SWAP70: variants seen among roughly 807,000 people sequenced by gnomAD.
SWAP70 encodes switching B cell complex subunit SWAP70, also known as switch-associated protein 70.
In SWAP70, 34 loss-of-function variants were observed where a neutral mutation model predicts 80.2. The observed-to-expected ratio is 0.42, with a 90% CI of 0.32 to 0.56. SWAP70 has a LOEUF of 0.56. SWAP70 is among the 20% of genes least tolerant of loss of function. SWAP70 has a pLI of 0.09. For synonymous variants in SWAP70, 239 were observed against 238.5 expected, an observed-to-expected ratio of 1.00 and a Z score of -0.02; for missense variants, 578 against 690.7, an observed-to-expected ratio of 0.84 and a Z score of 1.83.
At chr11:9,696,679 G>A (rs1436769975) in intron 2 of SWAP70, among the ~76,000 whole-genome samples, 1 of 152,036 alleles carries the variant, frequency 6.6e-6, no homozygotes, top group Non-Finnish European at 1.5e-5. Flanking sequence ...CAATATATTA[G>A]TGTCATCTTT....
At chr11:9,700,480 T>C (rs1462298412) in intron 2 of SWAP70, among the ~76,000 whole-genome samples, 4 of 152,186 alleles carry the variant, frequency 2.6e-5, no homozygotes, top group African/African-American at 9.6e-5. Flanking sequence ...GTAGAGAAAA[T>C]ATGAAATAGT....
At chr11:9,677,396 CAT>C (rs1293885029) in intron 1 of SWAP70, among the ~76,000 whole-genome samples, 1 of 151,994 alleles carries the variant, frequency 6.6e-6, no homozygotes, top group Non-Finnish European at 1.5e-5. Flanking sequence ...TTTAATATCT[CAT>C]ATAGACACAT....
intron 2 of SWAP70, among the ~76,000 whole-genome samples, chr11:9,703,971 T>A (rs555095643): frequency 4.8e-4 from 73 of 152,326 alleles, no homozygotes; most frequent in Non-Finnish European, 9.1e-4. Flanking sequence ...TTCTTGGCTC[T>A]TGCTCTGGTT....
At chr11:9,673,063 TATCCTCCA>T (rs1360741599) in intron 1 of SWAP70, among the ~76,000 whole-genome samples, 1 of 152,110 alleles carries the variant, frequency 6.6e-6, no homozygotes, top group Non-Finnish European at 1.5e-5. Context: ...ACCAGCTGGG[TATCCTCCA>T]GTTCAATTCC....
chr11:9,701,104 C>T (rs773026772), intron 2 of SWAP70, among the ~76,000 whole-genome samples: 9 of 151,048 alleles, frequency 6.0e-5, no homozygotes, highest in Non-Finnish European at 1.3e-4. Context: ...TAATTTTCAG[C>T]TTTCCTGAGA....
Position 9,750,236 on chromosome 11 carries a change from G to A in SWAP70, c.*266G>A, listed in dbSNP as rs777471729. The A allele has an allele frequency of 2.7e-4, 65 of 236,892 alleles. No individual in the cohort carries two copies. The highest frequency in any genetic ancestry group is 2.7e-4 in the Non-Finnish European group (31 of 116,246). 14.7% of individuals were successfully genotyped at this position (236,892 alleles called of 1,614,324 possible). On this transcript the variant is annotated 3_prime_UTR_variant, in exon 12 of 12. Coordinates refer to ENST00000318950, the MANE Select transcript of SWAP70 (RefSeq NM_015055.4). Reference sequence around the variant, plus strand: ...GGCGCCTGTAATCCCAGCTACTTGGGAGGCTGAGGCAGGAGAATCACTTGA... The same window carrying A: ...GGCGCCTGTAATCCCAGCTACTTGGAAGGCTGAGGCAGGAGAATCACTTGA...
intron 3 of SWAP70, among the ~76,000 whole-genome samples, chr11:9,722,088 G>C (rs1333822949): frequency 6.6e-6 from 1 of 152,186 alleles, no homozygotes. Flanking sequence ...TGGTTGAATA[G>C]TATTTCACTC....
chr11:9,749,270 T>G, intron 11 of SWAP70, 87 bp downstream of exon 11: 1 of 662,510 alleles, frequency 1.5e-6, no homozygotes, highest in Non-Finnish European at 2.0e-6. Flanking sequence ...TGAGATGGAG[T>G]CTCGCTCTGT....
chr11:9,695,312 C>T (rs545147002), intron 2 of SWAP70, among the ~76,000 whole-genome samples: 31 of 151,498 alleles, frequency 2.0e-4, no homozygotes, highest in East Asian at 5.8e-4. Context: ...AAAAAAAATA[C>T]GTGCACACGT....
intron 1 of SWAP70, among the ~76,000 whole-genome samples, chr11:9,671,166 TTATAAA>T (rs1363212616): frequency 8.9e-5 from 11 of 123,698 alleles, no homozygotes; most frequent in African/African-American, 3.4e-4. Flanking sequence ...TAAAATATAT[TTATAAA>T]TATAAATATA....
intron 9 of SWAP70, among the ~76,000 whole-genome samples, chr11:9,746,353 CCT>C (rs1177484852): frequency 4.6e-5 from 7 of 152,182 alleles, no homozygotes; most frequent in African/African-American, 1.7e-4. Context: ...GTCCATTCCC[CCT>C]CCATACTTTT....
intron 6 of SWAP70, 60 bp downstream of exon 6, chr11:9,729,511 T>G: frequency 7.6e-7 from 1 of 1,316,596 alleles, no homozygotes; most frequent in Non-Finnish European, 1.1e-6. Context: ...TTTCTTTTTT[T>G]TTTCTGAGAC....
chr11:9,696,773 C>T (rs997709523), intron 2 of SWAP70, among the ~76,000 whole-genome samples: 5 of 152,090 alleles, frequency 3.3e-5, no homozygotes, highest in African/African-American at 9.7e-5. Context: ...CTATTTATAA[C>T]ACCGAGCATG....
intron 1 of SWAP70, among the ~76,000 whole-genome samples, chr11:9,676,933 G>A (rs1476240851): frequency 1.3e-5 from 2 of 152,012 alleles, no homozygotes; most frequent in East Asian, 1.9e-4. Context: ...GATTACAGGC[G>A]TGAGCCACTG....
chr11:9,700,062 T>A (rs1203126259), intron 2 of SWAP70, among the ~76,000 whole-genome samples: 1 of 152,154 alleles, frequency 6.6e-6, no homozygotes, highest in Non-Finnish European at 1.5e-5. Flanking sequence ...TGCTGCACCC[T>A]ACTACTGCAT....
intron 2 of SWAP70, among the ~76,000 whole-genome samples, chr11:9,699,257 A>G (rs1850800762): frequency 6.6e-6 from 1 of 152,146 alleles, no homozygotes. Context: ...CCTTATGAAT[A>G]TATTGAAAAC....
rs1851310854 is a variant in SWAP70 at position 9,732,509 on chromosome 11, T to C, written c.899-20T>C. 7 of 1,588,914 alleles carry C rather than the reference T, an allele frequency of 4.4e-6. No homozygotes were observed. Among genetic ancestry groups the C allele is most frequent in the Non-Finnish European group, 6.0e-6 (7 of 1,166,560 alleles). ...AAATAATATCTCCCCATTTTTTTTT[T>C]CCTCCTACACCTTTTACAGCCATTC... On this transcript the variant is annotated intron_variant, in intron 6 of 11. Coordinates refer to ENST00000318950, the MANE Select transcript of SWAP70 (RefSeq NM_015055.4).
rs1388142250 is a variant in SWAP70, at chr11:9,752,170, A to C, written c.*2200A>C. On this transcript the variant is annotated 3_prime_UTR_variant, in exon 12 of 12. Transcript: ENST00000318950. ...GCATGGTGGGGAGGATCATGATGGA[A>C]TATGTGAATTTCTACTTCTAGAAGT... 6.6e-6 allele frequency: 1 copy of C among 152,226 alleles called. No individual in the cohort carries two copies. The highest frequency in any genetic ancestry group is 1.5e-5 in the Non-Finnish European group (1 of 68,040). The allele number at this position is 152,226 out of a possible 1,614,324, so 9.4% of individuals were successfully genotyped here.
Position 9,747,714 on chromosome 11 carries a change from T to C in SWAP70, c.1356-144T>C, listed in dbSNP as rs1851529799. On this transcript the variant is annotated intron_variant, in intron 9 of 11. Transcript: ENST00000318950. ...TACCAGCTTTGTGAATATGAGCTTC[T>C]CTGGCTCCTGCTTTCCTCCTGGTGG... 3.8e-5 allele frequency: 29 copies of C among 764,846 alleles called. 1 individual carries two copies. In the South Asian group the frequency reaches 4.5e-4, roughly 12 times the overall value. 47.4% of individuals were successfully genotyped at this position (764,846 alleles called of 1,614,324 possible).
Sources: gnomAD v4.1 joint callset for allele counts (sites outside exome capture counted in the v4.1 genomes callset) on GRCh38, gnomAD v4.1.1 for gene constraint, MANE v1.5 for transcripts, NCBI Gene and HGNC (gene_info 2026-07-23, HGNC 2026-07-21) for gene names.